Variants in NDUFA10 observed in about 807,000 individuals in gnomAD.
NDUFA10 encodes NADH dehydrogenase [ubiquinone] 1 alpha subcomplex subunit 10, mitochondrial.
In NDUFA10, 40 loss-of-function variants were observed where a neutral mutation model predicts 47.8. That is an observed-to-expected ratio of 0.84 (90% CI 0.65 to 1.09). NDUFA10 has a LOEUF of 1.09. Ranked by LOEUF, NDUFA10 falls within the 50% of genes least tolerant of loss-of-function variation. The probability of loss-of-function intolerance (pLI) is 0.00; values close to 1 mark genes in which losing one functional copy is unlikely to be tolerated. For synonymous variants in NDUFA10, 183 were observed against 172.2 expected, an observed-to-expected ratio of 1.06 and a Z score of -0.49; for missense variants, 413 against 451.1, an observed-to-expected ratio of 0.92 and a Z score of 0.76.
At chr2:239,954,468 G>A (rs1694613932), downstream of NDUFA10, among the ~76,000 whole-genome samples, 1 of 152,260 alleles carries the variant, frequency 6.6e-6, no homozygotes, top group African/African-American at 2.4e-5. Flanking sequence ...CTCCTCTGGA[G>A]AAGTCCCCTC....
In NDUFA10 at chr2:240,018,016, G is replaced by A. The variant is rs1232773537; in HGVS notation, c.547+537C>T. 33 of 886,442 alleles carry A rather than the reference G, an allele frequency of 3.7e-5. No individual in the cohort carries two copies. In the Middle Eastern group the frequency reaches 6.5e-4, roughly 18 times the overall value. The allele number at this position is 886,442 out of a possible 1,614,324, so 54.9% of individuals were successfully genotyped here. On this transcript the variant is annotated intron_variant, in intron 4 of 9. Coordinates refer to ENST00000252711, the MANE Select transcript of NDUFA10 (RefSeq NM_004544.4). Reference sequence around the variant, plus strand: ...ACCCCACCCTGACTCCTCAAGGTCAGCCTGCTTCAAACCAGGGGGTCTTTG... The same window carrying A: ...ACCCCACCCTGACTCCTCAAGGTCAACCTGCTTCAAACCAGGGGGTCTTTG...
rs182415263 is a variant in NDUFA10 at position 240,018,776 on chromosome 2, T to C, written c.461-137A>G. ...CCACACCAAAATACTGAAAAGAACA[T>C]AGACATATTTGTAAGTGGGAAACCA... On this transcript the variant is annotated intron_variant, in intron 3 of 9. Coordinates refer to ENST00000252711, the MANE Select transcript of NDUFA10 (RefSeq NM_004544.4). The C allele has an allele frequency of 4.6e-4, 442 of 969,834 alleles. 1 individual carries two copies. In the East Asian group the frequency reaches 6.6e-3, roughly 15 times the overall value. 60.1% of individuals were successfully genotyped at this position (969,834 alleles called of 1,614,324 possible).
rs937196617 is a variant in NDUFA10, at chr2:239,959,870, G to A, written c.*1248C>T. ...GAAGGGGAGAGGGAAAAAGGCAGGC[G>A]GACGCAAGGAGGGAAGGAGTGTGCA... is the stretch of plus-strand genomic sequence containing the variant. On this transcript the variant is annotated 3_prime_UTR_variant, in exon 10 of 10. Transcript: ENST00000252711. 4 of 984,590 alleles carry A rather than the reference G, an allele frequency of 4.1e-6. No individual in the cohort carries two copies. The African/African-American group carries it at 5.2e-5, about 13-fold the overall frequency. 61.0% of individuals were successfully genotyped at this position (984,590 alleles called of 1,614,324 possible).
At chr2:239,946,229 TC>T (rs1694450551) in intron 4 of NDUFA10, among the ~76,000 whole-genome samples, 1 of 152,048 alleles carries the variant, frequency 6.6e-6, no homozygotes, top group East Asian at 1.9e-4. Flanking sequence ...ACCTGGCCAC[TC>T]AAGCCACTCA....
intron 4 of NDUFA10, among the ~76,000 whole-genome samples, chr2:239,922,476 A>G (rs1422770914): frequency 6.6e-6 from 1 of 152,230 alleles, no homozygotes; most frequent in African/African-American, 2.4e-5. Flanking sequence ...ACACAGAGAC[A>G]GGTCTTTCTC....
At chr2:239,965,624 G>A (rs374841690) in intron 9 of NDUFA10, among the ~76,000 whole-genome samples, 4 of 152,282 alleles carry the variant, frequency 2.6e-5, no homozygotes, top group South Asian at 4.2e-4. Context: ...GTGGCTGTGC[G>A]TCCAAAGGTT....
At chr2:239,909,310 A>G (rs1307174819) in intron 4 of NDUFA10, among the ~76,000 whole-genome samples, 1 of 152,080 alleles carries the variant, frequency 6.6e-6, no homozygotes, top group Non-Finnish European at 1.5e-5. Flanking sequence ...AAAACCAAAA[A>G]CTATTTTTAA....
Position 239,987,294 on chromosome 2 carries a change from A to C in NDUFA10, c.999+2780T>G, listed in dbSNP as rs1364663765. 6.6e-6 allele frequency among the ~76,000 whole-genome samples: 1 copy of C among 152,080 alleles called. No homozygotes were observed. Among genetic ancestry groups the C allele is most frequent in the Admixed American group, 6.5e-5 (1 of 15,280 alleles). ...CCTTGTTTGTGAGAATTACACATTCAAGCCACGATTCTCAAACCAGGCGCT... is the reference window on the plus strand; with the variant it reads ...CCTTGTTTGTGAGAATTACACATTCCAGCCACGATTCTCAAACCAGGCGCT... On this transcript the variant is annotated intron_variant, in intron 9 of 9. Coordinates refer to ENST00000252711, the MANE Select transcript of NDUFA10 (RefSeq NM_004544.4). This position sits in a 1 kb window ranked among gnomAD's most constrained non-coding sequence, Gnocchi z 4.8.
rs775335595 is a variant in NDUFA10, at chr2:240,016,945, G to C, written c.547+1608C>G. Among the ~76,000 whole-genome samples the C allele has an allele frequency of 6.6e-6, 1 of 152,038 alleles. No homozygotes were observed. Among genetic ancestry groups the C allele is most frequent in the Non-Finnish European group, 1.5e-5 (1 of 67,998 alleles). On this transcript the variant is annotated intron_variant, in intron 4 of 9. Transcript: ENST00000252711. This position sits in a 1 kb window ranked among gnomAD's most constrained non-coding sequence, Gnocchi z 4.4. ...ATCCTTCCCCCTTAGCGGCCCACTA[G>C]CCAGGGCAGGTCCACGCCACTCCCC...
chr2:240,018,457 A>T (rs768863427), intron 4 of NDUFA10, 96 bp downstream of exon 4: 9 of 1,607,758 alleles, frequency 5.6e-6, no homozygotes, highest in Non-Finnish European at 5.9e-6. Context: ...TCTATCTAAC[A>T]GACATTCATA....
chr2:239,931,460 A>T (rs1453855575), intron 4 of NDUFA10, among the ~76,000 whole-genome samples: 1 of 152,258 alleles, frequency 6.6e-6, no homozygotes, highest in Non-Finnish European at 1.5e-5. Flanking sequence ...ATGAGGTCAC[A>T]TTCACAAGTC....
intron 5 of NDUFA10, chr2:240,012,080 A>G (rs563387176): frequency 1.9e-4 from 61 of 316,966 alleles, no homozygotes; most frequent in South Asian, 1.6e-3. Context: ...ATCTGTCCTC[A>G]GCACACTCTC....
intron 4 of NDUFA10, among the ~76,000 whole-genome samples, chr2:239,934,711 C>T (rs559081261): frequency 6.6e-6 from 1 of 152,182 alleles, no homozygotes. Flanking sequence ...CTGTCAGCTG[C>T]GATTGTCTGT....
Position 240,006,126 on chromosome 2 carries a change from C to T in NDUFA10, c.805-831G>A, listed in dbSNP as rs540863426. Among the ~76,000 whole-genome samples the T allele has an allele frequency of 2.0e-5, 3 of 152,128 alleles. No individual in the cohort carries two copies. In the South Asian group the frequency reaches 6.2e-4, roughly 32 times the overall value. On this transcript the variant is annotated intron_variant, in intron 7 of 9. Coordinates refer to ENST00000252711, the MANE Select transcript of NDUFA10 (RefSeq NM_004544.4). Reference sequence around the variant, plus strand: ...CAAACTCATGAACCCTCTTTAGTTTCGGGAATTTGAGTAAATTCAAAAATG... The same window carrying T: ...CAAACTCATGAACCCTCTTTAGTTTTGGGAATTTGAGTAAATTCAAAAATG...
intron 8 of NDUFA10, among the ~76,000 whole-genome samples, chr2:240,000,565 G>A (rs922234141): frequency 2.0e-5 from 3 of 152,078 alleles, no homozygotes; most frequent in Non-Finnish European, 4.4e-5. Flanking sequence ...ATTTAGTGTA[G>A]CCTAATTGTA....
intron 3 of NDUFA10, 129 bp from the exon 4 acceptor site, chr2:240,018,768 A>G (rs531554707): frequency 3.6e-5 from 38 of 1,064,788 alleles, no homozygotes; most frequent in Non-Finnish European, 4.8e-5. Flanking sequence ...AAAATACTGA[A>G]AAGAACATAG....
intron 9 of NDUFA10, among the ~76,000 whole-genome samples, chr2:239,968,309 C>CA (rs1695167842): frequency 6.6e-6 from 1 of 152,236 alleles, no homozygotes; most frequent in Non-Finnish European, 1.5e-5. Flanking sequence ...ATGCGCAGAG[C>CA]ACGGCCTCCG....
chr2:239,958,809 C>T lies in NDUFA10; in HGVS notation c.*2309G>A, dbSNP rs1132778. 53,366 of 396,468 alleles carry T rather than the reference C, an allele frequency of 0.13. 4,008 individuals are homozygous for T. The highest frequency in any genetic ancestry group is 0.16 in the South Asian group (1,519 of 9,634). The allele number at this position is 396,468 out of a possible 1,614,324, so 24.6% of individuals were successfully genotyped here. Reference sequence around the variant, plus strand: ...GAATTCTCATGCCTGTAAACACATGCCTGTATGAATAAAATCCAGACACAA... The same window carrying T: ...GAATTCTCATGCCTGTAAACACATGTCTGTATGAATAAAATCCAGACACAA... On this transcript the variant is annotated 3_prime_UTR_variant, in exon 10 of 10. Coordinates refer to ENST00000252711, the MANE Select transcript of NDUFA10 (RefSeq NM_004544.4).
At chr2:239,993,923 C>T (rs557691788) in intron 8 of NDUFA10, among the ~76,000 whole-genome samples, 1 of 152,192 alleles carries the variant, frequency 6.6e-6, no homozygotes, top group Admixed American at 6.5e-5. Flanking sequence ...GCCCAGGGCA[C>T]AGGACCACAC....
Sources: gnomAD v4.1 joint callset for allele counts (sites outside exome capture counted in the v4.1 genomes callset) on GRCh38, gnomAD v4.1.1 for gene constraint, Gnocchi (gnomAD v3.1) non-coding constraint, MANE v1.5 for transcripts, NCBI Gene and HGNC (gene_info 2026-07-23, HGNC 2026-07-21) for gene names.